The following GLUL variants were observed in gnomAD, a reference collection of about 807,000 sequenced individuals.
The protein encoded by GLUL is glutamine synthetase.
GLUL carries 8 observed loss-of-function variants against 36.9 expected under a neutral mutation model. That is an observed-to-expected ratio of 0.22 (90% CI 0.13 to 0.39). The LOEUF is 0.39. GLUL is among the 10% of genes least tolerant of loss of function. The probability of loss-of-function intolerance (pLI) is 1.00; values close to 1 mark genes in which losing one functional copy is unlikely to be tolerated. For missense variants in GLUL, 315 were observed against 501.8 expected (o/e 0.63, Z 3.56); for synonymous variants, 182 against 172.8 (o/e 1.05, Z -0.42).
intron 6 of GLUL, 128 bp from the exon 7 acceptor site, chr1:182,384,851 G>A: frequency 1.4e-6 from 1 of 739,894 alleles, no homozygotes; most frequent in Non-Finnish European, 2.4e-6. Context: ...CTTCTTACCT[G>A]TGTGTCTCAG....
chr1:182,387,326 C>T (rs780945383), intron 2 of GLUL, 34 bp from the exon 3 acceptor site: 2 of 1,538,288 alleles, frequency 1.3e-6, no homozygotes, highest in South Asian at 2.2e-5. Flanking sequence ...ACATTTAAAA[C>T]ATACAGGAGC....
At chr1:182,385,594 C>G (rs750741688) in intron 5 of GLUL, 38 bp from the exon 6 acceptor site, 188 of 1,578,236 alleles carry the variant, frequency 1.2e-4, no homozygotes, top group Non-Finnish European at 1.5e-4. Context: ...ACAAAGCTAA[C>G]TGCTCACTCC....
chr1:182,384,846 T>TA lies in GLUL; in HGVS notation c.804-124dup, dbSNP rs149568179. 1,719 of 755,920 alleles carry TA rather than the reference T, an allele frequency of 2.3e-3. 46 individuals are homozygous for TA. The East Asian group carries it at 0.039, about 17-fold the overall frequency. The allele number at this position is 755,920 out of a possible 1,614,324, so 46.8% of individuals were successfully genotyped here. A position where few individuals can be genotyped will look rare whatever the true frequency, so the allele number is the denominator to read the frequency against. ...CATGAGGGCAGTGGCTGCATCTTCTTACCTGTGTGTCTCAGTGGTGAGAAC... is the reference window on the plus strand; with the variant it reads ...CATGAGGGCAGTGGCTGCATCTTCTTAACCTGTGTGTCTCAGTGGTGAGAAC... On this transcript the variant is annotated intron_variant, in intron 6 of 6. Coordinates refer to ENST00000331872, the MANE Select transcript of GLUL (RefSeq NM_001033044.4).
chr1:182,378,682 T>C lies in GLUL; in HGVS notation c.*5723A>G, dbSNP rs10158556. Among the ~76,000 whole-genome samples the C allele has an allele frequency of 0.04, 6,168 of 152,344 alleles. 216 individuals carry two copies. Among genetic ancestry groups the C allele is most frequent in the African/African-American group, 0.099 (4,116 of 41,560 alleles). On this transcript the variant is annotated 3_prime_UTR_variant, in exon 7 of 7. Coordinates refer to ENST00000331872, the MANE Select transcript of GLUL (RefSeq NM_001033044.4). The stretch of plus-strand genomic sequence containing the variant: ...ACATATGTATTGTGCTTGTATTGTG[T>C]ATCTAATGTGTACATATATGCATAT...
chr1:182,391,549 G>A (rs923015192), intron 1 of GLUL, 130 bp downstream of exon 1: 1 of 257,660 alleles, frequency 3.9e-6, no homozygotes, highest in Admixed American at 5.5e-5. Context: ...GGCATGGGCC[G>A]GAGAGGCCGC....
rs1571405949 is a variant in GLUL, at chr1:182,385,641, G to A, written c.604-85C>T. 3 of 1,549,902 alleles carry A rather than the reference G, an allele frequency of 1.9e-6. No individual in the cohort carries two copies. The East Asian group carries it at 6.7e-5, about 35-fold the overall frequency. On this transcript the variant is annotated intron_variant, in intron 5 of 6. Coordinates refer to ENST00000331872, the MANE Select transcript of GLUL (RefSeq NM_001033044.4). ...TCCTAAACCTGTTCTCTTCTCACCT[G>A]TACTCCAACCCGTTCTTAGGTTTTG...
At chr1:182,390,461 C>T (rs958378687) in intron 1 of GLUL, 1 of 398,978 alleles carries the variant, frequency 2.5e-6, no homozygotes, top group African/African-American at 2.1e-5. Context: ...CAGCTCCCAC[C>T]AACTCCGGGG....
Position 182,378,975 on chromosome 1 carries a change from T to C in GLUL, c.*5430A>G, listed in dbSNP as rs10911068. On this transcript the variant is annotated 3_prime_UTR_variant, in exon 7 of 7. Transcript: ENST00000331872. ...TTTTGTATTTTTAGTAGAGATGGGGTTTCACCATGGTGGCCAGGCTGGTCT... is the reference window on the plus strand; with the variant it reads ...TTTTGTATTTTTAGTAGAGATGGGGCTTCACCATGGTGGCCAGGCTGGTCT... 0.16 allele frequency among the ~76,000 whole-genome samples: 24,402 copies of C among 151,990 alleles called. 2,478 individuals carry two copies. The highest frequency in any genetic ancestry group is 0.4 in the East Asian group (2,036 of 5,136).
In GLUL at chr1:182,384,712, T is replaced by G; in HGVS notation, c.815A>C (p.Glu272Ala). The G allele has an allele frequency of 6.2e-7, 1 of 1,613,376 alleles. No individual in the cohort carries two copies. The highest frequency in any genetic ancestry group is 8.5e-7 in the Non-Finnish European group (1 of 1,179,366). Reference protein sequence around the residue: ...REENGLKYIEEAIEKLSKRHQ... With the variant: ...REENGLKYIEAAIEKLSKRHQ... ...CCGCTTGCTTAGTTTCTCAATGGCC[T>G]CCTCGATGTACCTAGAGTAAACAGA... The change falls in exon 7 of 7, where the codon GAG becomes GCG. Residue 272 changes from glutamate (E) to alanine (A), a missense_variant. Around this residue, in one of 3 missense-constraint regions of GLUL, gnomAD observed 256 missense variants for 396.1 expected, o/e 0.65. Transcript: ENST00000331872.
rs185466076 is a variant in GLUL, at chr1:182,382,331, C to G, written c.*2074G>C. The stretch of plus-strand genomic sequence containing the variant: ...CCAGATACACGGACCAAGATAAGAG[C>G]AAGGGGCAAGGGCACAGGTGACAAC... On this transcript the variant is annotated 3_prime_UTR_variant, in exon 7 of 7. Transcript: ENST00000331872. The G allele has an allele frequency of 6.6e-6, 1 of 152,002 alleles. No individual in the cohort carries two copies. Among genetic ancestry groups the G allele is most frequent in the Admixed American group, 6.6e-5 (1 of 15,236 alleles). The allele number at this position is 152,002 out of a possible 1,614,324, so 9.4% of individuals were successfully genotyped here. A position where few individuals can be genotyped will look rare whatever the true frequency, so the allele number is the denominator to read the frequency against.
chr1:182,391,383 C>T (rs1650411067), intron 1 of GLUL: 1 of 397,116 alleles, frequency 2.5e-6, no homozygotes, highest in Non-Finnish European at 4.4e-6. Context: ...CCTCCAGGGG[C>T]GGCGCTTCGG....
chr1:182,384,748 G>A, intron 6 of GLUL, 25 bp from the exon 7 acceptor site: 2 of 1,555,400 alleles, frequency 1.3e-6, no homozygotes, highest in Non-Finnish European at 1.8e-6. Flanking sequence ...AAAGATGGCA[G>A]TCCAACCTTG....
At chr1:182,384,826 G>A (rs989853152) in intron 6 of GLUL, 103 bp from the exon 7 acceptor site, 13 of 846,654 alleles carry the variant, frequency 1.5e-5, no homozygotes, top group Middle Eastern at 4.4e-4. Context: ...TACTTCATGA[G>A]GGCAGTGGCT....
chr1:182,387,797 G>A (rs1448402810), intron 2 of GLUL, among the ~76,000 whole-genome samples: 1 of 152,148 alleles, frequency 6.6e-6, no homozygotes, highest in Non-Finnish European at 1.5e-5. Flanking sequence ...AAGGCTGCTT[G>A]GTCTCTCTAG....
chr1:182,378,742 G>A lies in GLUL; in HGVS notation c.*5663C>T, dbSNP rs1400485586. ...TATGGTATACATTTATATTATGCAT[G>A]TGTATGGACATATATCTGCATATTG... On this transcript the variant is annotated 3_prime_UTR_variant, in exon 7 of 7. Transcript: ENST00000331872. Among the ~76,000 whole-genome samples the A allele has an allele frequency of 6.6e-6, 1 of 152,136 alleles. No homozygotes were observed. The highest frequency in any genetic ancestry group is 2.4e-5 in the African/African-American group (1 of 41,424).
Position 182,385,933 on chromosome 1 carries a change from G to A in GLUL, c.476-46C>T, listed in dbSNP as rs755989427. 38 of 1,592,786 alleles carry A rather than the reference G, an allele frequency of 2.4e-5. No individual in the cohort carries two copies. In the South Asian group the frequency reaches 3.4e-4, roughly 14 times the overall value. On this transcript the variant is annotated intron_variant, in intron 4 of 6. Coordinates refer to ENST00000331872, the MANE Select transcript of GLUL (RefSeq NM_001033044.4). The stretch of plus-strand genomic sequence containing the variant: ...AACACTAAGAGTCAAGAAATCCAGA[G>A]AATCCCAAAGTCAGAGATCAGAAGG...
chr1:182,379,193 G>A lies in GLUL; in HGVS notation c.*5212C>T, dbSNP rs1649835297. On this transcript the variant is annotated 3_prime_UTR_variant, in exon 7 of 7. Transcript: ENST00000331872. ...AGTAGAAATGTACGCAAAGTCTTTG[G>A]AGTTAAATGATGAACTGCCACTTAT... 6.6e-6 allele frequency among the ~76,000 whole-genome samples: 1 copy of A among 152,026 alleles called. No homozygotes were observed. Among genetic ancestry groups the A allele is most frequent in the Admixed American group, 6.5e-5 (1 of 15,274 alleles).
intron 5 of GLUL, 82 bp from the exon 6 acceptor site, chr1:182,385,638 C>T: frequency 6.4e-7 from 1 of 1,552,596 alleles, no homozygotes; most frequent in Non-Finnish European, 8.9e-7. Flanking sequence ...TCTCTTCTCA[C>T]CTGTACTCCA....
chr1:182,385,674 G>C, intron 5 of GLUL, 86 bp downstream of exon 5: 3 of 1,564,590 alleles, frequency 1.9e-6, no homozygotes, highest in Non-Finnish European at 1.8e-6. Context: ...TTGGGTTAGT[G>C]AGTGGTGTAT....
Sources: gnomAD v4.1 joint callset for allele counts (sites outside exome capture counted in the v4.1 genomes callset) on GRCh38, gnomAD v4.1.1 for gene constraint, gnomAD v4.1.1 regional missense constraint, MANE v1.5 for transcripts, NCBI Gene and HGNC (gene_info 2026-07-23, HGNC 2026-07-21) for gene names.